ELMO1: variants seen among roughly 807,000 people sequenced by gnomAD.
The protein encoded by ELMO1 is engulfment and cell motility protein 1.
A neutral mutation model predicts 98.9 loss-of-function variants in ELMO1; 26 were observed. That is an observed-to-expected ratio of 0.26 (90% CI 0.19 to 0.36). The LOEUF (loss-of-function observed/expected upper bound fraction) is 0.36. Ranked by LOEUF, ELMO1 falls within the 10% of genes least tolerant of loss-of-function variation. The probability of loss-of-function intolerance (pLI) is 1.00; values close to 1 mark genes in which losing one functional copy is unlikely to be tolerated. For synonymous variants in ELMO1, 346 were observed against 346.0 expected (o/e 1.00, Z 0.00); for missense variants, 627 against 935.2 (o/e 0.67, Z 4.30).
rs1018536111 is a variant in ELMO1 at position 37,301,803 on chromosome 7, C to T, written c.192+13047G>A. ...CTCCCTCTAAATTTCTTGGTTTACA[C>T]GATTATTGTTCCCCCACCCCACGTT... is the stretch of plus-strand genomic sequence containing the variant. On this transcript the variant is annotated intron_variant, in intron 4 of 21. Coordinates refer to ENST00000310758, the MANE Select transcript of ELMO1 (RefSeq NM_014800.11). Among the ~76,000 whole-genome samples, 5 of 152,176 alleles carry T rather than the reference C, an allele frequency of 3.3e-5. No homozygotes were observed. In the East Asian group the frequency reaches 9.7e-4, roughly 29 times the overall value.
chr7:37,441,839 G>T (rs28693025), intron 1 of ELMO1, among the ~76,000 whole-genome samples: 11,959 of 152,196 alleles, frequency 0.079, 822 homozygotes, highest in African/African-American at 0.18. Flanking sequence ...AGAGAAGAGA[G>T]CTAGAAAGGA....
At chr7:37,066,133 T>C (rs550698256) in intron 15 of ELMO1, among the ~76,000 whole-genome samples, 95 of 152,334 alleles carry the variant, frequency 6.2e-4, no homozygotes, top group African/African-American at 2.2e-3. Flanking sequence ...TGTGGAACTG[T>C]GAGTCAATTA....
At chr7:36,931,384 G>GC (rs1786025210) in intron 16 of ELMO1, among the ~76,000 whole-genome samples, 1 of 152,198 alleles carries the variant, frequency 6.6e-6, no homozygotes, top group Non-Finnish European at 1.5e-5. Flanking sequence ...TGGATCACCT[G>GC]AGGTCAAGAG....
chr7:37,032,172 A>G (rs953117406), intron 15 of ELMO1, among the ~76,000 whole-genome samples: 7 of 152,166 alleles, frequency 4.6e-5, no homozygotes, highest in Non-Finnish European at 7.4e-5. Flanking sequence ...GATGACTCAC[A>G]GTTCACGCTT....
At chr7:36,934,254 C>A (rs1786309210) in intron 16 of ELMO1, among the ~76,000 whole-genome samples, 3 of 152,206 alleles carry the variant, frequency 2.0e-5, no homozygotes, top group Admixed American at 6.5e-5. Context: ...ACAACCAAGA[C>A]AATGAGAGAG....
chr7:37,287,211 A>T (rs2130931202), intron 4 of ELMO1, among the ~76,000 whole-genome samples: 1 of 151,210 alleles, frequency 6.6e-6, no homozygotes, highest in African/African-American at 2.5e-5. Flanking sequence ...AAAAAAAAAA[A>T]TTGTATCATA....
chr7:37,086,765 A>AAAAAAAG lies in ELMO1; in HGVS notation c.1300+9853_1300+9854insCTTTTTT, dbSNP rs1491293564. Among the ~76,000 whole-genome samples, 38 of 142,622 alleles carry AAAAAAAG rather than the reference A, an allele frequency of 2.7e-4. 1 individual carries two copies. Among genetic ancestry groups the AAAAAAAG allele is most frequent in the African/African-American group, 4.3e-4 (16 of 37,620 alleles). The allele number at this position is 142,622 out of a possible 152,430, so 93.6% of individuals were successfully genotyped here. ...CTCCAAAAAAAAAAAAAAAAAAAAA[A>AAAAAAAG]GAAATCTTTGAACTTTCTTGCCAAA... On this transcript the variant is annotated intron_variant, in intron 15 of 21. Coordinates refer to ENST00000310758, the MANE Select transcript of ELMO1 (RefSeq NM_014800.11).
intron 13 of ELMO1, among the ~76,000 whole-genome samples, chr7:37,152,246 T>C (rs79637184): frequency 0.044 from 6,696 of 152,192 alleles, 167 homozygotes; most frequent in Middle Eastern, 0.14. Context: ...ATCTGGATGA[T>C]AGGAGGTGGC....
At chr7:37,438,599 C>A (rs1805259224) in intron 1 of ELMO1, among the ~76,000 whole-genome samples, 1 of 147,692 alleles carries the variant, frequency 6.8e-6, no homozygotes. Flanking sequence ...GACTCTGTCT[C>A]AAAAAAAAAA....
chr7:37,045,379 T>G (rs561537683), intron 15 of ELMO1, among the ~76,000 whole-genome samples: 2 of 152,346 alleles, frequency 1.3e-5, no homozygotes, highest in African/African-American at 4.8e-5. Context: ...AAACAAACTT[T>G]CACTAAAAAA....
chr7:37,213,055 C>T (rs114911565), intron 12 of ELMO1, among the ~76,000 whole-genome samples: 82 of 152,218 alleles, frequency 5.4e-4, no homozygotes, highest in African/African-American at 1.9e-3. Flanking sequence ...TTACTTGGGG[C>T]CAGGAGCTAA....
intron 14 of ELMO1, among the ~76,000 whole-genome samples, chr7:37,105,560 T>C (rs1432879419): frequency 6.6e-6 from 1 of 152,216 alleles, no homozygotes; most frequent in Non-Finnish European, 1.5e-5. Context: ...CCCAGAATTA[T>C]GATCAGACAT....
At chr7:37,085,321 G>A (rs935525253) in intron 15 of ELMO1, among the ~76,000 whole-genome samples, 1 of 152,144 alleles carries the variant, frequency 6.6e-6, no homozygotes, top group Non-Finnish European at 1.5e-5. Context: ...CTGTGGGTAT[G>A]CTTCTGTTTT....
chr7:37,228,673 A>C lies in ELMO1; in HGVS notation c.550-3643T>G, dbSNP rs571490869. On this transcript the variant is annotated intron_variant, in intron 8 of 21. Transcript: ENST00000310758. The stretch of plus-strand genomic sequence containing the variant: ...ATACTTCTTAGAATCACTTAGAATG[A>C]GATCTTAAAATTCTCCTATGTTATC... Among the ~76,000 whole-genome samples, 7 of 152,346 alleles carry C rather than the reference A, an allele frequency of 4.6e-5. No individual in the cohort carries two copies. In the East Asian group the frequency reaches 1.3e-3, roughly 29 times the overall value.
chr7:37,365,745 T>G (rs1801878242), intron 1 of ELMO1, among the ~76,000 whole-genome samples: 1 of 152,244 alleles, frequency 6.6e-6, no homozygotes, highest in South Asian at 2.1e-4. Context: ...TTCCTTTCTT[T>G]CAGTCACTTA....
In ELMO1 at chr7:37,437,846, G is replaced by A. The variant is rs1256232306; in HGVS notation, c.-74+10829C>T. ...AAATTAGCCGGGCGCGGTGGCGGGC[G>A]CCTGTAGTCCCAGCTACTCGGGAGG... On this transcript the variant is annotated intron_variant, in intron 1 of 21. Coordinates refer to ENST00000310758, the MANE Select transcript of ELMO1 (RefSeq NM_014800.11). 6.8e-5 allele frequency among the ~76,000 whole-genome samples: 4 copies of A among 58,412 alleles called. 2 individuals are homozygous for A. The highest frequency in any genetic ancestry group is 7.5e-4 in the East Asian group (2 of 2,664). 38.3% of individuals were successfully genotyped at this position (58,412 alleles called of 152,430 possible).
intron 1 of ELMO1, among the ~76,000 whole-genome samples, chr7:37,405,089 T>C (rs1054810305): frequency 1.3e-5 from 2 of 152,170 alleles, no homozygotes; most frequent in Non-Finnish European, 2.9e-5. Context: ...CCACCGGCAC[T>C]GGGGGACTGA....
intron 4 of ELMO1, among the ~76,000 whole-genome samples, chr7:37,305,936 A>G (rs1798592430): frequency 6.6e-6 from 1 of 152,230 alleles, no homozygotes; most frequent in East Asian, 1.9e-4. Context: ...CTAGTAGACA[A>G]TAATACCTGT....
intron 1 of ELMO1, among the ~76,000 whole-genome samples, chr7:37,377,449 C>T (rs375045252): frequency 8.5e-5 from 13 of 152,122 alleles, no homozygotes; most frequent in East Asian, 3.9e-4. Flanking sequence ...AAATGGAATG[C>T]GCCAGTACCA....
Sources: gnomAD v4.1 joint callset for allele counts (sites outside exome capture counted in the v4.1 genomes callset) on GRCh38, gnomAD v4.1.1 for gene constraint, MANE v1.5 for transcripts, NCBI Gene and HGNC (gene_info 2026-07-23, HGNC 2026-07-21) for gene names.